The following DNAJC11 variants were observed in gnomAD, a reference collection of about 807,000 sequenced individuals.
The protein encoded by DNAJC11 is DnaJ heat shock protein family (Hsp40) member C11, also known as dnaJ homolog subfamily C member 11.
A neutral mutation model predicts 78.6 loss-of-function variants in DNAJC11; 15 were observed. That is an observed-to-expected ratio of 0.19 (90% CI 0.13 to 0.29). The LOEUF is 0.29. DNAJC11 is among the 10% of genes least tolerant of loss of function. The pLI, the probability that DNAJC11 is intolerant of heterozygous loss-of-function variation, is 1.00. For synonymous variants in DNAJC11, 292 were observed against 272.1 expected (o/e 1.07, Z -0.72); for missense variants, 547 against 709.6 (o/e 0.77, Z 2.60).
intron 15 of DNAJC11, among the ~76,000 whole-genome samples, 153 bp from the exon 16 acceptor site, chr1:6,635,853 T>C (rs1055891165): frequency 6.6e-6 from 1 of 152,158 alleles, no homozygotes; most frequent in African/African-American, 2.4e-5. Context: ...TGCTGGAACG[T>C]AGAGGTCTGC....
chr1:6,687,517 C>T (rs1642676357), intron 1 of DNAJC11, among the ~76,000 whole-genome samples: 1 of 151,962 alleles, frequency 6.6e-6, no homozygotes. Flanking sequence ...CCACCATGCC[C>T]GGCTAAATTT....
chr1:6,674,518 G>A (rs1046702890), intron 3 of DNAJC11, among the ~76,000 whole-genome samples: 14 of 152,034 alleles, frequency 9.2e-5, no homozygotes, highest in South Asian at 2.1e-4. Context: ...CCAAGATCAC[G>A]CCACTACACT....
chr1:6,648,086 C>A (rs1641994848), intron 7 of DNAJC11, among the ~76,000 whole-genome samples: 1 of 152,114 alleles, frequency 6.6e-6, no homozygotes. Flanking sequence ...GCTTGTGTGA[C>A]CTTAAGAATC....
chr1:6,691,049 G>C (rs918373278), intron 1 of DNAJC11, among the ~76,000 whole-genome samples: 2 of 151,954 alleles, frequency 1.3e-5, no homozygotes, highest in African/African-American at 4.8e-5. Context: ...TCTACAAATA[G>C]GAACAATTTT....
intron 2 of DNAJC11, among the ~76,000 whole-genome samples, chr1:6,679,323 A>C: frequency 6.6e-6 from 1 of 152,200 alleles, no homozygotes; most frequent in South Asian, 2.1e-4. Context: ...AATAATTTTA[A>C]AAGACAAAAA....
At chr1:6,651,224 C>T (rs376049658) in intron 7 of DNAJC11, 9 of 609,536 alleles carry the variant, frequency 1.5e-5, no homozygotes, top group Non-Finnish European at 2.6e-5. Flanking sequence ...TGTTTCGGTC[C>T]ACTGACCAAC....
rs900243677 is a variant in DNAJC11 at position 6,645,423 on chromosome 1, C to T, written c.895-297G>A. Among the ~76,000 whole-genome samples, 4 of 152,224 alleles carry T rather than the reference C, an allele frequency of 2.6e-5. No homozygotes were observed. The highest frequency in any genetic ancestry group is 7.2e-5 in the African/African-American group (3 of 41,472). On this transcript the variant is annotated intron_variant, in intron 8 of 15. Transcript: ENST00000377577. This position sits in a 1 kb window ranked among gnomAD's most constrained non-coding sequence, Gnocchi z 4.1. ...TGGTGAGAGCCAAGGAGCAGTGGCC[C>T]GTGTGGGGCTTCTCATGTACCAGCC...
In DNAJC11 at chr1:6,634,824, T is replaced by C. The variant is rs1231260362; in HGVS notation, c.*851A>G. On this transcript the variant is annotated 3_prime_UTR_variant, in exon 16 of 16. Transcript: ENST00000377577. Reference sequence around the variant, plus strand: ...GGGCCGGGCCTGGGGTCCACGCCTTTGGGTTGGGTGTGTCTGATGTCTTGC... The same window carrying C: ...GGGCCGGGCCTGGGGTCCACGCCTTCGGGTTGGGTGTGTCTGATGTCTTGC... The C allele has an allele frequency of 8.0e-7, 1 of 1,256,110 alleles. No homozygotes were observed. Among genetic ancestry groups the C allele is most frequent in the Non-Finnish European group, 1.0e-6 (1 of 963,478 alleles). The allele number at this position is 1,256,110 out of a possible 1,614,324, so 77.8% of individuals were successfully genotyped here.
At chr1:6,646,955 G>C (rs1172905718) in intron 7 of DNAJC11, among the ~76,000 whole-genome samples, 1 of 151,744 alleles carries the variant, frequency 6.6e-6, no homozygotes, top group East Asian at 1.9e-4. Flanking sequence ...AGGAGTTCAA[G>C]GACAGCCTGG....
In DNAJC11 at chr1:6,645,193, G is replaced by T; in HGVS notation, c.895-67C>A. 1 of 1,244,704 alleles carries T rather than the reference G, an allele frequency of 8.0e-7. No individual in the cohort carries two copies. Among genetic ancestry groups the T allele is most frequent in the Non-Finnish European group, 1.2e-6 (1 of 848,698 alleles). 77.1% of individuals were successfully genotyped at this position (1,244,704 alleles called of 1,614,324 possible). Reference sequence around the variant, plus strand: ...TGACTCTGTGGGGAGATGGGTATCTGCCCTCCCACTAGCTCTGGGCATCTG... The same window carrying T: ...TGACTCTGTGGGGAGATGGGTATCTTCCCTCCCACTAGCTCTGGGCATCTG... On this transcript the variant is annotated intron_variant, in intron 8 of 15. Transcript: ENST00000377577. This position sits in a 1 kb window ranked among gnomAD's most constrained non-coding sequence, Gnocchi z 4.1.
chr1:6,669,513 T>TAGAAAAGAAAAGAAA lies in DNAJC11; in HGVS notation c.277-1718_277-1704dup, dbSNP rs60740818. On this transcript the variant is annotated intron_variant, in intron 3 of 15. Transcript: ENST00000377577. ...GCAACATGAGCAAGAAACTCTGTCT[T>TAGAAAAGAAAAGAAA]AGAAAAGAAAAGAAAAGAAAAGAAA... is the stretch of plus-strand genomic sequence containing the variant. Among the ~76,000 whole-genome samples, 911 of 121,834 alleles carry TAGAAAAGAAAAGAAA rather than the reference T, an allele frequency of 7.5e-3. 8 individuals are homozygous for TAGAAAAGAAAAGAAA. The highest frequency in any genetic ancestry group is 0.017 in the African/African-American group (522 of 31,382). 79.9% of individuals were successfully genotyped at this position (121,834 alleles called of 152,430 possible).
At chr1:6,671,324 G>T (rs1642376267) in intron 3 of DNAJC11, among the ~76,000 whole-genome samples, 1 of 152,132 alleles carries the variant, frequency 6.6e-6, no homozygotes, top group African/African-American at 2.4e-5. Context: ...CTCACTGCAA[G>T]CTCCGCCTCC....
rs763384368 is a variant in DNAJC11 at position 6,653,989 on chromosome 1, A to G, written c.429T>C (p.Asp143=). The G allele has an allele frequency of 6.2e-7, 1 of 1,613,490 alleles. No individual in the cohort carries two copies. Among genetic ancestry groups the G allele is most frequent in the East Asian group, 2.2e-5 (1 of 44,870 alleles). ...TGCCGGACACATCTTCATACTCCTC[A>G]TCATAGCGATCAAAAAGGTCGGTGG... ...VDATDLFDRY[D]EEYEDVSGSS... is the part of the protein sequence containing the mutation. The change falls in exon 5 of 16, where the codon GAT becomes GAC. Residue 143 remains aspartate (D), a synonymous_variant. Transcript: ENST00000377577. This position sits in a 1 kb window ranked among gnomAD's most constrained non-coding sequence, Gnocchi z 4.5.
chr1:6,635,529 C>T lies in DNAJC11; in HGVS notation c.*146G>A. On this transcript the variant is annotated 3_prime_UTR_variant, in exon 16 of 16. Coordinates refer to ENST00000377577, the MANE Select transcript of DNAJC11 (RefSeq NM_018198.4). ...CTCAAAAGCTGGGGTGTCTGCATGTCCCTTCACATAATTGATAATGGTACC... is the reference window on the plus strand; with the variant it reads ...CTCAAAAGCTGGGGTGTCTGCATGTTCCTTCACATAATTGATAATGGTACC... 1 of 886,726 alleles carries T rather than the reference C, an allele frequency of 1.1e-6. No homozygotes were observed. Among genetic ancestry groups the T allele is most frequent in the Non-Finnish European group, 1.7e-6 (1 of 580,746 alleles). The allele number at this position is 886,726 out of a possible 1,614,324, so 54.9% of individuals were successfully genotyped here.
At chr1:6,649,129 A>T (rs1176678137) in intron 7 of DNAJC11, among the ~76,000 whole-genome samples, 1 of 151,424 alleles carries the variant, frequency 6.6e-6, no homozygotes, top group African/African-American at 2.4e-5. Flanking sequence ...AAGCCCTGGG[A>T]TTGCAGGTGT....
intron 5 of DNAJC11, 43 bp from the exon 6 acceptor site, chr1:6,652,994 G>C (rs1479560157): frequency 6.2e-7 from 1 of 1,612,452 alleles, no homozygotes; most frequent in South Asian, 1.1e-5. Context: ...CAAAACAACA[G>C]GAAGTGCCAA....
At chr1:6,640,882 C>T (rs2148727817) in intron 10 of DNAJC11, among the ~76,000 whole-genome samples, 1 of 152,100 alleles carries the variant, frequency 6.6e-6, no homozygotes, top group Middle Eastern at 3.4e-3. Flanking sequence ...GTAATTAGAG[C>T]CCCAGTGAGG....
chr1:6,685,755 C>T lies in DNAJC11; in HGVS notation c.73-4718G>A, dbSNP rs1642646565. ...GTTTTATACTGGAGGCTGGGTTTCC[C>T]CGGTTTGCAAAGTATTCATTGGAGT... On this transcript the variant is annotated intron_variant, in intron 1 of 15. Transcript: ENST00000377577. Among the ~76,000 whole-genome samples the T allele has an allele frequency of 2.0e-5, 3 of 152,108 alleles. No individual in the cohort carries two copies. In the South Asian group the frequency reaches 6.2e-4, roughly 32 times the overall value.
At chr1:6,649,711 A>G (rs1333702234) in intron 7 of DNAJC11, among the ~76,000 whole-genome samples, 1 of 147,830 alleles carries the variant, frequency 6.8e-6, no homozygotes, top group Admixed American at 6.7e-5. Flanking sequence ...GTAATAACTA[A>G]CTTTTTTTTT....
Sources: gnomAD v4.1 joint callset for allele counts (sites outside exome capture counted in the v4.1 genomes callset) on GRCh38, gnomAD v4.1.1 for gene constraint, Gnocchi (gnomAD v3.1) non-coding constraint, MANE v1.5 for transcripts, NCBI Gene and HGNC (gene_info 2026-07-23, HGNC 2026-07-21) for gene names.